Variants in DOCK9 observed in about 807,000 individuals in gnomAD.
DOCK9 encodes the protein dedicator of cytokinesis 9.
DOCK9 carries 89 observed loss-of-function variants against 263.3 expected under a neutral mutation model. The ratio of observed to expected loss-of-function variants is 0.34; its 90% CI spans 0.28 to 0.40. The LOEUF (loss-of-function observed/expected upper bound fraction) is 0.40, where lower values mean the gene tolerates loss of function less well. Ranked by LOEUF, DOCK9 falls within the 10% of genes least tolerant of loss-of-function variation. DOCK9 has a pLI of 1.00. For synonymous variants in DOCK9, 976 were observed against 973.1 expected (o/e 1.00, Z -0.06); for missense variants, 2,140 against 2,603.4 (o/e 0.82, Z 3.87).
chr13:98,939,406 G>A (rs1316370727), intron 2 of DOCK9, among the ~76,000 whole-genome samples: 1 of 152,194 alleles, frequency 6.6e-6, no homozygotes, highest in African/African-American at 2.4e-5. Flanking sequence ...AAACTGTGGA[G>A]CCATCAATCC....
Position 98,872,638 on chromosome 13 carries a change from C to T in DOCK9, c.2944-4261G>A, listed in dbSNP as rs531526721. ...CTCAGGCTGGTCTGGAATTCCTGGG[C>T]TCAAGCGATTCTCCTACCTAGGCCT... On this transcript the variant is annotated intron_variant, in intron 27 of 52. Coordinates refer to ENST00000682017, the MANE Select transcript of DOCK9 (RefSeq NM_001366683.2). 2.0e-5 allele frequency among the ~76,000 whole-genome samples: 3 copies of T among 152,240 alleles called. No individual in the cohort carries two copies. In the East Asian group the frequency reaches 5.8e-4, roughly 29 times the overall value.
chr13:98,822,805 G>C (rs1260724966), intron 45 of DOCK9, among the ~76,000 whole-genome samples: 2 of 151,514 alleles, frequency 1.3e-5, no homozygotes, highest in Non-Finnish European at 2.9e-5. Context: ...ACTTTATTGG[G>C]GTTTAAATTA....
At chr13:98,878,930 C>A (rs1416221194) in intron 27 of DOCK9, among the ~76,000 whole-genome samples, 1 of 152,156 alleles carries the variant, frequency 6.6e-6, no homozygotes, top group East Asian at 1.9e-4. Context: ...CTCCTGCCTA[C>A]AAGGATTGCA....
At chr13:98,981,566 C>A (rs1418264012), upstream of DOCK9, among the ~76,000 whole-genome samples, 1 of 152,206 alleles carries the variant, frequency 6.6e-6, no homozygotes, top group Non-Finnish European at 1.5e-5. Context: ...TCTGAGTCCA[C>A]CGCCTTCCAG....
chr13:98,886,701 G>T, intron 18 of DOCK9, 77 bp from the exon 19 acceptor site: 1 of 1,353,846 alleles, frequency 7.4e-7, no homozygotes, highest in Non-Finnish European at 1.0e-6. Flanking sequence ...TCGTAAAGGA[G>T]GAGGCATTCC....
In DOCK9 at chr13:99,038,826, T is replaced by G. The variant is rs941055004; in HGVS notation, c.129+47397A>C. 2.0e-5 allele frequency among the ~76,000 whole-genome samples: 3 copies of G among 152,216 alleles called. No individual in the cohort carries two copies. The East Asian group carries it at 5.8e-4, about 29-fold the overall frequency. ...AGTAGTACCTAGAAGTTATTGAGCA[T>G]TTGTGGATAAACCAAAGTCCTCCTA... On this transcript the variant is annotated intron_variant, in intron 1 of 32. Transcript: ENST00000427887.
chr13:98,991,029 A>T (rs983097643), intron 1 of DOCK9, among the ~76,000 whole-genome samples: 1 of 152,184 alleles, frequency 6.6e-6, no homozygotes, highest in African/African-American at 2.4e-5. Context: ...ATCTAGTTCA[A>T]GAGTACGATG....
At chr13:98,980,121 G>A (rs1303205387), upstream of DOCK9, among the ~76,000 whole-genome samples, 1 of 152,236 alleles carries the variant, frequency 6.6e-6, no homozygotes, top group Non-Finnish European at 1.5e-5. Context: ...ACCTCCTGGA[G>A]TCAAGGATCT....
intron 28 of DOCK9, 40 bp downstream of exon 28, chr13:98,868,191 T>C: frequency 6.2e-7 from 1 of 1,610,022 alleles, no homozygotes; most frequent in Non-Finnish European, 8.5e-7. Flanking sequence ...AAGCACATCT[T>C]TGTCCCATAA....
intron 5 of DOCK9, 25 bp from the exon 6 acceptor site, chr13:98,922,171 A>C: frequency 6.5e-7 from 1 of 1,539,094 alleles, no homozygotes; most frequent in Non-Finnish European, 8.9e-7. Flanking sequence ...AAACACCAGC[A>C]GTCAACCTCC....
chr13:98,998,706 C>T (rs1175979230), intron 1 of DOCK9, among the ~76,000 whole-genome samples: 3 of 152,144 alleles, frequency 2.0e-5, no homozygotes, highest in Non-Finnish European at 4.4e-5. Flanking sequence ...GGCCCCTAAT[C>T]GTCCAACTGC....
intron 2 of DOCK9, among the ~76,000 whole-genome samples, chr13:98,940,743 G>A (rs751732652): frequency 6.6e-6 from 1 of 151,896 alleles, no homozygotes; most frequent in African/African-American, 2.4e-5. Context: ...TTCTTTCTCT[G>A]GTCCTTCAAC....
At chr13:98,968,814 A>T (rs572954487) in intron 1 of DOCK9, among the ~76,000 whole-genome samples, 1 of 152,330 alleles carries the variant, frequency 6.6e-6, no homozygotes, top group Non-Finnish European at 1.5e-5. Context: ...CAGAGATAAA[A>T]GTTAGGTCTA....
chr13:99,079,939 C>A (rs2042062041), intron 1 of DOCK9, among the ~76,000 whole-genome samples: 1 of 152,146 alleles, frequency 6.6e-6, no homozygotes, highest in Admixed American at 6.5e-5. Flanking sequence ...ACCTGGGAGG[C>A]TGAAGCAGGA....
Position 98,867,908 on chromosome 13 carries a change from A to G in DOCK9, c.3174+20T>C. The G allele has an allele frequency of 6.2e-7, 1 of 1,604,136 alleles. No homozygotes were observed. The highest frequency in any genetic ancestry group is 8.5e-7 in the Non-Finnish European group (1 of 1,172,878). ...AGGCTACATGGTGACTTCTGTTACC[A>G]GTAACAACCCCCGCACTACCTTTGG... On this transcript the variant is annotated intron_variant, in intron 29 of 52. Coordinates refer to ENST00000682017, the MANE Select transcript of DOCK9 (RefSeq NM_001366683.2).
intron 1 of DOCK9, among the ~76,000 whole-genome samples, chr13:98,961,456 A>G (rs2058631705): frequency 6.6e-6 from 1 of 152,186 alleles, no homozygotes; most frequent in Non-Finnish European, 1.5e-5. Context: ...AAAGAACGCA[A>G]ATGTGGCAAT....
intron 1 of DOCK9, among the ~76,000 whole-genome samples, chr13:99,086,064 G>A (rs2042327304): frequency 6.6e-6 from 1 of 152,056 alleles, no homozygotes; most frequent in South Asian, 2.1e-4. Flanking sequence ...CTTCTCCCCT[G>A]TCCAACTCCC....
At chr13:98,854,813 C>T (rs1347951270) in intron 34 of DOCK9, 1 of 152,182 alleles carries the variant, frequency 6.6e-6, no homozygotes, top group Non-Finnish European at 1.5e-5. Flanking sequence ...GAGCTGCTCG[C>T]ACCTCAACAG....
chr13:99,016,426 T>C (rs1263820690), intron 1 of DOCK9, among the ~76,000 whole-genome samples: 1 of 152,210 alleles, frequency 6.6e-6, no homozygotes, highest in African/African-American at 2.4e-5. Flanking sequence ...CTCCCGTCTC[T>C]GGTACCCAAA....
Sources: allele counts gnomAD v4.1 joint callset (sites outside exome capture counted in the v4.1 genomes callset), GRCh38; gene constraint gnomAD v4.1.1; transcripts MANE v1.5; gene names NCBI Gene and HGNC (gene_info 2026-07-23, HGNC 2026-07-21).